The following DENND1C variants were observed in gnomAD, a reference collection of about 807,000 sequenced individuals.
DENND1C encodes the protein DENN domain containing 1C.
In DENND1C, 64 loss-of-function variants were observed where a neutral mutation model predicts 87.9. The ratio of observed to expected loss-of-function variants is 0.73; its 90% CI spans 0.60 to 0.90. The LOEUF (loss-of-function observed/expected upper bound fraction) is 0.90, where lower values mean the gene tolerates loss of function less well. Ranked by LOEUF, DENND1C falls within the 40% of genes least tolerant of loss-of-function variation. DENND1C has a pLI of 0.00. For synonymous variants in DENND1C, 384 were observed against 424.4 expected (o/e 0.90, Z 1.17); for missense variants, 980 against 1,037.0 (o/e 0.95, Z 0.76).
At chr19:6,473,195 G>T (rs575259541) in intron 14 of DENND1C, among the ~76,000 whole-genome samples, 2 of 152,160 alleles carry the variant, frequency 1.3e-5, no homozygotes, top group African/African-American at 2.4e-5. Flanking sequence ...TCGCTCTGTC[G>T]CCAGGCTGGA....
At chr19:6,479,941 G>GGCC in intron 2 of DENND1C, 39 bp from the exon 3 acceptor site, 5 of 1,589,964 alleles carry the variant, frequency 3.1e-6, no homozygotes, top group Non-Finnish European at 4.3e-6. Flanking sequence ...AGCGACCCAG[G>GGCC]CCCACCCTCC....
intron 1 of DENND1C, among the ~76,000 whole-genome samples, chr19:6,481,415 A>G (rs1568403443): frequency 6.6e-6 from 1 of 151,896 alleles, no homozygotes; most frequent in African/African-American, 2.4e-5. Context: ...CAAAGCTCAG[A>G]GGGGTACATG....
rs34482420 is a variant in DENND1C, at chr19:6,477,411, C to G, written c.414G>C (p.Leu138=). The G allele has an allele frequency of 4.8e-4, 776 of 1,613,470 alleles. 5 individuals carry two copies. The African/African-American group carries it at 9.6e-3, about 20-fold the overall frequency. ...ELLQNLFQQS[L]SGPQASVGLE... Reference sequence around the variant, plus strand: ...GCCCCACTGAGGCCTGGGGCCCAGACAGGGACTGCTGAAACAGATTTTGAA... The same window carrying G: ...GCCCCACTGAGGCCTGGGGCCCAGAGAGGGACTGCTGAAACAGATTTTGAA... Residue 138 remains leucine, a synonymous_variant, in exon 7 of 23, where the codon CTG becomes CTC. Coordinates refer to ENST00000381480, the MANE Select transcript of DENND1C (RefSeq NM_024898.4).
At chr19:6,468,174 T>G in intron 22 of DENND1C, 56 bp from the exon 23 acceptor site, 1 of 1,610,752 alleles carries the variant, frequency 6.2e-7, no homozygotes, top group Non-Finnish European at 8.5e-7. Flanking sequence ...GGCTGGCAAG[T>G]TGGATGGACC....
At chr19:6,476,756 C>A in intron 10 of DENND1C, 101 bp downstream of exon 10, 2 of 1,228,550 alleles carry the variant, frequency 1.6e-6, no homozygotes, top group Non-Finnish European at 2.2e-6. Context: ...GCCCTCGGGT[C>A]TCGCGCAGTA....
At chr19:6,480,211 G>T in intron 1 of DENND1C, 160 bp from the exon 2 acceptor site, 1 of 1,473,870 alleles carries the variant, frequency 6.8e-7, no homozygotes. Context: ...GTTGTGTGAG[G>T]CTGTGTGTGC....
intron 4 of DENND1C, among the ~76,000 whole-genome samples, chr19:6,479,306 T>C (rs886644389): frequency 6.7e-6 from 1 of 148,680 alleles, no homozygotes; most frequent in African/African-American, 2.6e-5. Flanking sequence ...AATCCCTAAG[T>C]CCCTGGGTTC....
chr19:6,476,597 G>T lies in DENND1C; in HGVS notation c.678+260C>A, dbSNP rs570063997. On this transcript the variant is annotated intron_variant, in intron 10 of 22. Transcript: ENST00000381480. ...TCTCAGTGTCCCTGAGGGTCCGGAGGGGTGGAGCCAGACGTGTTGCGGCCC... is the reference window on the plus strand; with the variant it reads ...TCTCAGTGTCCCTGAGGGTCCGGAGTGGTGGAGCCAGACGTGTTGCGGCCC... 14 of 470,786 alleles carry T rather than the reference G, an allele frequency of 3.0e-5. No individual in the cohort carries two copies. The Admixed American group carries it at 4.7e-4, about 16-fold the overall frequency. The allele number at this position is 470,786 out of a possible 1,614,324, so 29.2% of individuals were successfully genotyped here.
intron 2 of DENND1C, 23 bp downstream of exon 2, chr19:6,479,964 T>G: frequency 9.6e-7 from 1 of 1,045,876 alleles, no homozygotes; most frequent in Non-Finnish European, 1.4e-6. Flanking sequence ...TCCCACTCCC[T>G]CACTCCCAGG....
chr19:6,478,493 T>A (rs1349284648), intron 6 of DENND1C, among the ~76,000 whole-genome samples: 1 of 150,268 alleles, frequency 6.7e-6, no homozygotes, highest in Non-Finnish European at 1.5e-5. Flanking sequence ...TGACCTCAGG[T>A]GATCCGCTCG....
chr19:6,479,704 C>T lies in DENND1C; in HGVS notation c.141G>A (p.Met47Ile), dbSNP rs749073599. The T allele has an allele frequency of 7.0e-5, 113 of 1,613,776 alleles. No individual in the cohort carries two copies. The highest frequency in any genetic ancestry group is 9.2e-5 in the Non-Finnish European group (108 of 1,179,858). The change falls in exon 4 of 23, where the codon ATG becomes ATA. Residue 47 changes from methionine (M) to isoleucine (I), a missense_variant. Met to Ile is a conservative substitution (Grantham distance 10, BLOSUM62 1). Transcript: ENST00000381480. ...PDFRDQEAMQ[M>I]VPKFCFPFDV... ...CAAAAGGGAAGCAGAATTTAGGCAC[C>T]ATCTGCATAGCTTCCTGGAGGTGAA...
At chr19:6,478,878 C>G (rs368059685) in intron 5 of DENND1C, 26 bp from the exon 6 acceptor site, 22 of 1,613,724 alleles carry the variant, frequency 1.4e-5, no homozygotes, top group African/African-American at 2.7e-5. Context: ...ACAGGTTCCA[C>G]GAAGTGTCCC....
Position 6,468,391 on chromosome 19 carries a change from G to A in DENND1C, c.1634C>T (p.Ala545Val). The A allele has an allele frequency of 6.2e-7, 1 of 1,613,896 alleles. No individual in the cohort carries two copies. The highest frequency in any genetic ancestry group is 1.1e-5 in the South Asian group (1 of 91,042). ...EDEGCPWAEE[A>V]LDSSFLGSGE... The stretch of plus-strand genomic sequence containing the variant: ...AGACCCCAAGAAGCTGCTGTCCAGA[G>A]CTTCTTCTGCCCACGGGCACCCCTC... The change falls in exon 22 of 23, where the codon GCT (alanine) becomes GTT (valine). Residue 545 changes from alanine to valine, a missense_variant. Physicochemically the swap from Ala to Val is moderately conservative, Grantham distance 64. Coordinates refer to ENST00000381480, the MANE Select transcript of DENND1C (RefSeq NM_024898.4).
In DENND1C at chr19:6,467,345, G is replaced by A. The variant is rs1053211322; in HGVS notation, c.*159C>T. On this transcript the variant is annotated 3_prime_UTR_variant, in exon 23 of 23. Transcript: ENST00000381480. Reference sequence around the variant, plus strand: ...GAGGCTTCCTGGAATTCCCTGCTAGGAGCCAGTTAGAGAGGCTGCCCTTGG... The same window carrying A: ...GAGGCTTCCTGGAATTCCCTGCTAGAAGCCAGTTAGAGAGGCTGCCCTTGG... The A allele has an allele frequency of 1.0e-6, 1 of 969,898 alleles. No homozygotes were observed. The allele number at this position is 969,898 out of a possible 1,614,324, so 60.1% of individuals were successfully genotyped here. A position where few individuals can be genotyped will look rare whatever the true frequency, so the allele number is the denominator to read the frequency against.
rs930341488 is a variant in DENND1C at position 6,467,433 on chromosome 19, G to GA, written c.*70dup. On this transcript the variant is annotated 3_prime_UTR_variant, in exon 23 of 23. Coordinates refer to ENST00000381480, the MANE Select transcript of DENND1C (RefSeq NM_024898.4). The stretch of plus-strand genomic sequence containing the variant: ...TGAGGGCACCAGAGAAATTCACCAG[G>GA]AAAAAAACCAGCTTTTTTGGGCTCT... The GA allele has an allele frequency of 3.9e-5, 56 of 1,445,122 alleles. No individual in the cohort carries two copies. Among genetic ancestry groups the GA allele is most frequent in the East Asian group, 1.6e-4 (6 of 38,528 alleles). The allele number at this position is 1,445,122 out of a possible 1,614,324, so 89.5% of individuals were successfully genotyped here.
At chr19:6,473,065 G>A (rs1352240972) in intron 14 of DENND1C, 72 bp from the exon 15 acceptor site, 8 of 1,168,978 alleles carry the variant, frequency 6.8e-6, no homozygotes, top group Non-Finnish European at 1.1e-6. Context: ...ATATATTTAT[G>A]TAGCAAACAT....
intron 18 of DENND1C, 119 bp from the exon 19 acceptor site, chr19:6,469,759 TCA>T: frequency 9.9e-7 from 1 of 1,013,234 alleles, no homozygotes; most frequent in Non-Finnish European, 1.5e-6. Flanking sequence ...TCAAATACGT[TCA>T]CCACCCCCCA....
At position 6,476,905 on chromosome 19, in the gene DENND1C, C is replaced by T. The variant is rs565053919; in HGVS notation, c.630G>A (p.Ala210=). 1.1e-5 allele frequency: 17 copies of T among 1,613,308 alleles called. 1 individual carries two copies. In the East Asian group the frequency reaches 2.5e-4, roughly 23 times the overall value. Residue 210 remains alanine (A), a synonymous_variant, in exon 10 of 23, where the codon GCG becomes GCA. Transcript: ENST00000381480. ...GCAGGACTCTTCTCTCGGCCAGGAG[C>T]GCCGCGAACAGCCCCACGATGTTCT... The part of the protein sequence containing the change: ...TDENIVGLFA[A]LLAERRVLLT...
intron 4 of DENND1C, 26 bp downstream of exon 4, chr19:6,479,643 C>T: frequency 6.2e-7 from 1 of 1,613,744 alleles, no homozygotes; most frequent in Non-Finnish European, 8.5e-7. Flanking sequence ...GTCCCTGAGT[C>T]CTTGGATCTC....
Sources: allele counts gnomAD v4.1 joint callset (sites outside exome capture counted in the v4.1 genomes callset), GRCh38; gene constraint gnomAD v4.1.1; transcripts MANE v1.5; gene names NCBI Gene and HGNC (gene_info 2026-07-23, HGNC 2026-07-21).